Variants in ADCY5 observed in about 807,000 individuals in gnomAD.
The protein encoded by ADCY5 is adenylate cyclase type 5.
In ADCY5, 30 loss-of-function variants were observed where a neutral mutation model predicts 119.7. The observed-to-expected ratio is 0.25, with a 90% confidence interval of 0.19 to 0.34. ADCY5 has a LOEUF of 0.34. Among genes scored for constraint, ADCY5 ranks in the 10% least tolerant of loss-of-function variants. The pLI, the probability that ADCY5 is intolerant of heterozygous loss-of-function variation, is 1.00. For missense variants in ADCY5, 1,324 were observed against 1,775.2 expected (o/e 0.75, Z 4.57); for synonymous variants, 753 against 762.2 (o/e 0.99, Z 0.20).
chr3:123,300,420 A>C (rs1029180508), intron 14 of ADCY5, 125 bp from the exon 15 acceptor site: 2 of 1,116,360 alleles, frequency 1.8e-6, no homozygotes, highest in Non-Finnish European at 2.5e-6. Context: ...CTGCTGATGT[A>C]AATTTCCCAA....
intron 11 of ADCY5, among the ~76,000 whole-genome samples, chr3:123,314,605 A>G (rs768190171): frequency 7.9e-5 from 12 of 152,222 alleles, no homozygotes; most frequent in Non-Finnish European, 1.5e-4. Flanking sequence ...TGGAGACAGC[A>G]GCCCACAGGA....
chr3:123,287,497 G>A (rs1325141769), intron 19 of ADCY5, among the ~76,000 whole-genome samples: 1 of 152,200 alleles, frequency 6.6e-6, no homozygotes, highest in African/African-American at 2.4e-5. Flanking sequence ...CAGGCACGGG[G>A]CATTCCCTCC....
intron 1 of ADCY5, among the ~76,000 whole-genome samples, chr3:123,431,207 T>C (rs1449370295): frequency 6.6e-6 from 1 of 152,198 alleles, no homozygotes; most frequent in East Asian, 1.9e-4. Flanking sequence ...ACACTTCTAG[T>C]TTACAGCGGA....
chr3:123,356,327 G>C (rs1943035735), intron 1 of ADCY5, among the ~76,000 whole-genome samples: 1 of 152,096 alleles, frequency 6.6e-6, no homozygotes, highest in Non-Finnish European at 1.5e-5. Flanking sequence ...AACTTTTTGT[G>C]CTTCAAAGGG....
chr3:123,394,452 T>G (rs1944486243), intron 1 of ADCY5, among the ~76,000 whole-genome samples: 1 of 152,200 alleles, frequency 6.6e-6, no homozygotes, highest in African/African-American at 2.4e-5. Context: ...TCACTTAGAC[T>G]CCACACTCAC....
At chr3:123,406,913 C>T (rs753036038) in intron 1 of ADCY5, among the ~76,000 whole-genome samples, 3 of 152,180 alleles carry the variant, frequency 2.0e-5, no homozygotes, top group South Asian at 2.1e-4. Flanking sequence ...GCCAAGCCGC[C>T]GCCACTGCTC....
chr3:123,290,988 C>G (rs971767863), intron 18 of ADCY5, 125 bp downstream of exon 18: 67 of 1,292,556 alleles, frequency 5.2e-5, no homozygotes, highest in Non-Finnish European at 6.9e-5. Flanking sequence ...GCCGGCAGAG[C>G]TCCCATCATC....
At chr3:123,345,481 C>A (rs925358743) in intron 3 of ADCY5, among the ~76,000 whole-genome samples, 1 of 152,158 alleles carries the variant, frequency 6.6e-6, no homozygotes, top group African/African-American at 2.4e-5. Context: ...GTGCCAGGGA[C>A]AATGCCTGGG....
Position 123,303,037 on chromosome 3 carries a change from C to G in ADCY5, c.2724+18G>C, listed in dbSNP as rs769341037. On this transcript the variant is annotated intron_variant, in intron 14 of 20. Coordinates refer to ENST00000462833, the MANE Select transcript of ADCY5 (RefSeq NM_183357.3). ...GGGACTCTTCAGCACTCCCTTCCAG[C>G]CCCTGTGCACCCAGTACCTCGGGGA... 66 of 1,612,172 alleles carry G rather than the reference C, an allele frequency of 4.1e-5. No individual in the cohort carries two copies. Among genetic ancestry groups the G allele is most frequent in the Non-Finnish European group, 5.3e-5 (62 of 1,179,438 alleles).
chr3:123,325,251 C>A lies in ADCY5; in HGVS notation c.2088+71G>T, dbSNP rs952974702. 10 of 1,551,220 alleles carry A rather than the reference C, an allele frequency of 6.4e-6. No homozygotes were observed. The Admixed American group carries it at 1.6e-4, about 25-fold the overall frequency. ...CTTGGGCAACACGAGGCATCTGGTGCGGGCCTCATGCCCACAGAAGGCCCT... is the reference window on the plus strand; with the variant it reads ...CTTGGGCAACACGAGGCATCTGGTGAGGGCCTCATGCCCACAGAAGGCCCT... On this transcript the variant is annotated intron_variant, in intron 8 of 20. Transcript: ENST00000462833.
At chr3:123,426,200 C>G (rs1182966240) in intron 1 of ADCY5, among the ~76,000 whole-genome samples, 1 of 152,132 alleles carries the variant, frequency 6.6e-6, no homozygotes, top group African/African-American at 2.4e-5. Context: ...GGAGAAACAC[C>G]CTGCAGCATG....
At chr3:123,314,062 A>G (rs1305559302) in intron 12 of ADCY5, among the ~76,000 whole-genome samples, 173 bp downstream of exon 12, 4 of 152,204 alleles carry the variant, frequency 2.6e-5, no homozygotes, top group South Asian at 2.1e-4. Flanking sequence ...GCCAGACTCC[A>G]GGCGAGCTTG....
chr3:123,346,461 T>TA lies in ADCY5; in HGVS notation c.1406+1320dup, dbSNP rs59417057. Among the ~76,000 whole-genome samples, 601 of 152,226 alleles carry TA rather than the reference T, an allele frequency of 3.9e-3. 4 individuals carry two copies. The highest frequency in any genetic ancestry group is 0.014 in the African/African-American group (574 of 41,538). ...CAGATACATGTCTCTCCTAAAGGCT[T>TA]AGAGTCTCAGTTTTGAGAGACAGAT... On this transcript the variant is annotated intron_variant, in intron 3 of 20. Transcript: ENST00000462833.
intron 1 of ADCY5, among the ~76,000 whole-genome samples, chr3:123,413,429 C>G (rs1945107903): frequency 6.6e-6 from 1 of 152,136 alleles, no homozygotes; most frequent in Non-Finnish European, 1.5e-5. Flanking sequence ...AGGGAGATGC[C>G]CCCTCCCAGA....
In ADCY5 at chr3:123,286,468, T is replaced by G. The variant is rs1938770889; in HGVS notation, c.3657+217A>C. Among the ~76,000 whole-genome samples the G allele has an allele frequency of 6.6e-6, 1 of 152,210 alleles. No individual in the cohort carries two copies. Among genetic ancestry groups the G allele is most frequent in the African/African-American group, 2.4e-5 (1 of 41,462 alleles). ...GTCCCTTCCATGCCCAGTAGAGGGC[T>G]CTGCAGAAGCCTGAAGATCTGTCCA... On this transcript the variant is annotated intron_variant, in intron 20 of 20. Coordinates refer to ENST00000462833, the MANE Select transcript of ADCY5 (RefSeq NM_183357.3). The surrounding 1 kb of genome is among the most constrained non-coding windows in gnomAD (Gnocchi z 4.2).
intron 17 of ADCY5, among the ~76,000 whole-genome samples, chr3:123,293,219 G>A (rs1939271732): frequency 6.6e-6 from 1 of 152,212 alleles, no homozygotes; most frequent in East Asian, 1.9e-4. Flanking sequence ...GCTAGGAGGG[G>A]GCCAGGCAGG....
chr3:123,321,516 G>A (rs1263254653), intron 8 of ADCY5, among the ~76,000 whole-genome samples: 1 of 152,270 alleles, frequency 6.6e-6, no homozygotes. Context: ...GCAGAATGGA[G>A]GCTTCCCCAC....
chr3:123,383,934 CACACA>C (rs1944124423), intron 1 of ADCY5, among the ~76,000 whole-genome samples: 1 of 147,412 alleles, frequency 6.8e-6, no homozygotes, highest in African/African-American at 2.5e-5. Context: ...TGCACACACA[CACACA>C]CACCCTTCTG....
chr3:123,297,985 T>C (rs1443912274), intron 15 of ADCY5, among the ~76,000 whole-genome samples: 1 of 152,188 alleles, frequency 6.6e-6, no homozygotes, highest in Admixed American at 6.5e-5. Context: ...AATTTTAAAT[T>C]ACATAAGTGG....
Sources: gnomAD v4.1 joint callset for allele counts (sites outside exome capture counted in the v4.1 genomes callset) on GRCh38, gnomAD v4.1.1 for gene constraint, Gnocchi (gnomAD v3.1) non-coding constraint, MANE v1.5 for transcripts, NCBI Gene and HGNC (gene_info 2026-07-23, HGNC 2026-07-21) for gene names.